The following MPPED2 variants were observed in gnomAD, a reference collection of about 807,000 sequenced individuals.
MPPED2 encodes the protein metallophosphoesterase MPPED2.
In MPPED2, 5 loss-of-function variants were observed where a neutral mutation model predicts 33.0. That is an observed-to-expected ratio of 0.15 (90% CI 0.08 to 0.32). The LOEUF is 0.32. Among genes scored for constraint, MPPED2 ranks in the 10% least tolerant of loss-of-function variants. The pLI is 1.00. For synonymous variants in MPPED2, 136 were observed against 141.9 expected, an observed-to-expected ratio of 0.96 and a Z score of 0.29; for missense variants, 275 against 372.1, an observed-to-expected ratio of 0.74 and a Z score of 2.15.
At chr11:30,428,908 C>A (rs1315125803) in intron 4 of MPPED2, 2 of 151,960 alleles carry the variant, frequency 1.3e-5, no homozygotes, top group East Asian at 3.9e-4. Context: ...GTTTTTGTTC[C>A]CTAACTTATC....
intron 6 of MPPED2, among the ~76,000 whole-genome samples, chr11:30,400,508 T>C (rs1370587885): frequency 1.3e-5 from 2 of 152,228 alleles, no homozygotes; most frequent in Non-Finnish European, 2.9e-5. Context: ...GGATGTCCAT[T>C]CCAATATTAC....
chr11:30,508,165 C>T (rs1438311847), intron 3 of MPPED2, among the ~76,000 whole-genome samples: 3 of 152,078 alleles, frequency 2.0e-5, no homozygotes, highest in Admixed American at 6.6e-5. Flanking sequence ...TTCAGGTAAT[C>T]GGAACACAGT....
At chr11:30,419,191 G>C (rs1440150875) in intron 4 of MPPED2, among the ~76,000 whole-genome samples, 1 of 152,096 alleles carries the variant, frequency 6.6e-6, no homozygotes, top group Non-Finnish European at 1.5e-5. Context: ...TTTAAGCCTC[G>C]CAGCAAACTC....
chr11:30,498,755 T>C (rs915801322), intron 3 of MPPED2, among the ~76,000 whole-genome samples: 1 of 152,200 alleles, frequency 6.6e-6, no homozygotes, highest in Non-Finnish European at 1.5e-5. Context: ...TAATGATATA[T>C]AGCTTCCTTT....
chr11:30,453,588 A>C (rs1372818235), intron 4 of MPPED2, among the ~76,000 whole-genome samples: 6 of 152,178 alleles, frequency 3.9e-5, no homozygotes, highest in Non-Finnish European at 8.8e-5. Context: ...CTCTGAATTC[A>C]TTTCCTTAGA....
chr11:30,549,890 T>A (rs1955615876), intron 2 of MPPED2, among the ~76,000 whole-genome samples: 1 of 152,234 alleles, frequency 6.6e-6, no homozygotes, highest in Non-Finnish European at 1.5e-5. Context: ...TTGAAAATTC[T>A]CTGGCTCACT....
chr11:30,514,910 G>C (rs1302570915), intron 3 of MPPED2, among the ~76,000 whole-genome samples: 1 of 152,138 alleles, frequency 6.6e-6, no homozygotes, highest in Non-Finnish European at 1.5e-5. Context: ...GACAAGCCTG[G>C]TGTGGTGAAA....
intron 2 of MPPED2, among the ~76,000 whole-genome samples, chr11:30,578,055 A>G (rs557925703): frequency 2.0e-5 from 3 of 152,292 alleles, no homozygotes; most frequent in East Asian, 1.9e-4. Context: ...AAGAAAAATA[A>G]TAATGGAGGT....
intron 4 of MPPED2, among the ~76,000 whole-genome samples, chr11:30,483,483 C>T (rs1470175491): frequency 6.6e-6 from 1 of 152,114 alleles, no homozygotes; most frequent in Non-Finnish European, 1.5e-5. Flanking sequence ...AATCATAACA[C>T]CAAAGGAAAA....
intron 2 of MPPED2, among the ~76,000 whole-genome samples, chr11:30,538,431 T>G (rs1051787399): frequency 6.6e-6 from 1 of 152,186 alleles, no homozygotes; most frequent in African/African-American, 2.4e-5. Flanking sequence ...ATCTACCCAC[T>G]TTAAAGTAGC....
At chr11:30,495,176 T>C (rs1265396988) in intron 4 of MPPED2, 120 bp downstream of exon 4, 2 of 708,528 alleles carry the variant, frequency 2.8e-6, no homozygotes, top group African/African-American at 3.6e-5. Context: ...TTGTTGGAAA[T>C]ACAGCAATAA....
chr11:30,512,481 C>A (rs1336909404), intron 3 of MPPED2, among the ~76,000 whole-genome samples: 1 of 150,074 alleles, frequency 6.7e-6, no homozygotes, highest in Admixed American at 6.6e-5. Flanking sequence ...ACAAAACAAA[C>A]AAACAAAAAA....
chr11:30,487,367 A>G (rs539532688), intron 4 of MPPED2, among the ~76,000 whole-genome samples: 122 of 152,324 alleles, frequency 8.0e-4, no homozygotes, highest in African/African-American at 2.9e-3. Context: ...ATGGTTCTTC[A>G]GAGGGAAAAA....
chr11:30,432,143 T>A (rs1470261844), intron 4 of MPPED2, among the ~76,000 whole-genome samples: 1 of 148,304 alleles, frequency 6.7e-6, no homozygotes, highest in Non-Finnish European at 1.5e-5. Context: ...CCCTCCAGCA[T>A]GGGGGATAGA....
At chr11:30,444,941 T>C (rs1265207814) in intron 4 of MPPED2, among the ~76,000 whole-genome samples, 4 of 152,312 alleles carry the variant, frequency 2.6e-5, no homozygotes, top group South Asian at 2.1e-4. Context: ...ATCATCCACA[T>C]TGGGATAAAA....
chr11:30,445,595 C>T (rs537380333), intron 4 of MPPED2, among the ~76,000 whole-genome samples: 275 of 152,292 alleles, frequency 1.8e-3, no homozygotes, highest in Non-Finnish European at 3.4e-3. Flanking sequence ...ACCGAAACTA[C>T]GCATTAAATG....
chr11:30,535,931 G>T (rs961113945), intron 3 of MPPED2, 63 bp downstream of exon 3: 2 of 1,400,782 alleles, frequency 1.4e-6, no homozygotes, highest in Non-Finnish European at 1.9e-6. Flanking sequence ...CAATTAGGAC[G>T]CAGTGAGTGA....
At chr11:30,417,668 G>T in intron 4 of MPPED2, 35 bp from the exon 5 acceptor site, 1 of 1,214,610 alleles carries the variant, frequency 8.2e-7, no homozygotes, top group Non-Finnish European at 1.2e-6. Context: ...TATCAGGCCA[G>T]CAGAGCCACG....
At chr11:30,524,796 A>C (rs990208310) in intron 3 of MPPED2, among the ~76,000 whole-genome samples, 5 of 152,194 alleles carry the variant, frequency 3.3e-5, no homozygotes, top group African/African-American at 9.6e-5. Flanking sequence ...AGGGGAATTT[A>C]AAAGAACAAG....
Sources: allele counts gnomAD v4.1 joint callset (sites outside exome capture counted in the v4.1 genomes callset), GRCh38; gene constraint gnomAD v4.1.1; transcripts MANE v1.5; gene names NCBI Gene and HGNC (gene_info 2026-07-23, HGNC 2026-07-21).